IGF2BP3: variants seen among roughly 807,000 people sequenced by gnomAD.
IGF2BP3 encodes insulin-like growth factor 2 mRNA-binding protein 3.
In IGF2BP3, 9 loss-of-function variants were observed where a neutral mutation model predicts 73.8. The observed-to-expected ratio is 0.12, with a 90% confidence interval of 0.07 to 0.21. IGF2BP3 has a LOEUF of 0.21. IGF2BP3 is among the 10% of genes least tolerant of loss of function. The pLI, the probability that IGF2BP3 is intolerant of heterozygous loss-of-function variation, is 1.00. For synonymous variants in IGF2BP3, 258 were observed against 256.7 expected, an observed-to-expected ratio of 1.01 and a Z score of -0.05; for missense variants, 542 against 714.0, an observed-to-expected ratio of 0.76 and a Z score of 2.75.
chr7:23,408,633 T>C (rs546895788), intron 3 of IGF2BP3, among the ~76,000 whole-genome samples: 1 of 152,318 alleles, frequency 6.6e-6, no homozygotes, highest in East Asian at 1.9e-4. Flanking sequence ...TGCTATAACA[T>C]CTTTTTCACT....
At chr7:23,444,981 C>T (rs1788026423) in intron 2 of IGF2BP3, among the ~76,000 whole-genome samples, 1 of 152,108 alleles carries the variant, frequency 6.6e-6, no homozygotes, top group Non-Finnish European at 1.5e-5. Context: ...TTACTTCCAT[C>T]CAGAATTTAG....
At chr7:23,406,554 T>C (rs1194697059) in intron 3 of IGF2BP3, among the ~76,000 whole-genome samples, 2 of 152,144 alleles carry the variant, frequency 1.3e-5, no homozygotes, top group Non-Finnish European at 2.9e-5. Context: ...CCGCAGACCT[T>C]TGCAGTGAGT....
chr7:23,436,666 C>T (rs1423368950), intron 2 of IGF2BP3, among the ~76,000 whole-genome samples: 2 of 152,094 alleles, frequency 1.3e-5, no homozygotes, highest in East Asian at 1.9e-4. Context: ...AAATACTTTC[C>T]ATGCACATAA....
intron 3 of IGF2BP3, among the ~76,000 whole-genome samples, chr7:23,368,846 G>A (rs1785463733): frequency 6.6e-6 from 1 of 151,334 alleles, no homozygotes; most frequent in South Asian, 2.1e-4. Flanking sequence ...GTGGTGAGCT[G>A]AGATGGCGCC....
chr7:23,365,017 T>C (rs942894698), intron 3 of IGF2BP3, among the ~76,000 whole-genome samples: 1 of 151,992 alleles, frequency 6.6e-6, no homozygotes, highest in Admixed American at 6.6e-5. Context: ...CATACAAACA[T>C]TAGCCTGCAG....
intron 3 of IGF2BP3, among the ~76,000 whole-genome samples, chr7:23,362,927 A>C (rs1399378355): frequency 6.6e-6 from 1 of 151,770 alleles, no homozygotes; most frequent in African/African-American, 2.4e-5. Flanking sequence ...CTAATTTTTA[A>C]AATTTTTTGT....
chr7:23,365,015 C>CATT (rs1785334075), intron 3 of IGF2BP3, among the ~76,000 whole-genome samples: 1 of 152,000 alleles, frequency 6.6e-6, no homozygotes, highest in Non-Finnish European at 1.5e-5. Context: ...AACATACAAA[C>CATT]ATTAGCCTGC....
At chr7:23,319,003 T>G (rs767927273) in intron 11 of IGF2BP3, 135 bp downstream of exon 11, 5 of 629,446 alleles carry the variant, frequency 7.9e-6, no homozygotes, top group Non-Finnish European at 1.4e-5. Context: ...CCACTGTTGT[T>G]TGGGGGTTTC....
chr7:23,329,746 G>T (rs752249449), intron 10 of IGF2BP3, among the ~76,000 whole-genome samples: 19 of 152,214 alleles, frequency 1.2e-4, no homozygotes, highest in Non-Finnish European at 2.4e-4. Flanking sequence ...GGCAAGATCA[G>T]TTTGGGTCTC....
Position 23,470,074 on chromosome 7 carries a change from C to T in IGF2BP3, c.37G>A (p.Ala13Thr). 6.2e-7 allele frequency: 1 copy of T among 1,609,218 alleles called. No individual in the cohort carries two copies. The highest frequency in any genetic ancestry group is 8.5e-7 in the Non-Finnish European group (1 of 1,178,554). Residue 13 changes from alanine (A) to threonine (T), a missense_variant, in exon 1 of 15, where the codon GCC (alanine) becomes ACC (threonine). This residue lies in a region of IGF2BP3 where 239 missense variants were observed against 241.9 expected (regional missense o/e 0.99). Coordinates refer to ENST00000258729, the MANE Select transcript of IGF2BP3 (RefSeq NM_006547.3). ...KLYIGNLSEN[A>T]APSDLESIFK... is the part of the protein sequence containing the mutation. ...ATACTTTCTAGGTCCGAGGGGGCGG[C>T]GTTCTCGCTGAGGTTTCCGATATAC...
intron 10 of IGF2BP3, among the ~76,000 whole-genome samples, chr7:23,319,738 G>C (rs919378045): frequency 6.6e-6 from 1 of 152,156 alleles, no homozygotes. Context: ...GTGTTTAAGA[G>C]AAAAGCTGAA....
At chr7:23,468,365 G>C in intron 2 of IGF2BP3, 117 bp downstream of exon 2, 1 of 1,023,040 alleles carries the variant, frequency 9.8e-7, no homozygotes. Flanking sequence ...TTAAAGACCG[G>C]AACACCACGC....
At chr7:23,346,168 A>T in intron 7 of IGF2BP3, 106 bp from the exon 8 acceptor site, 1 of 1,301,238 alleles carries the variant, frequency 7.7e-7, no homozygotes, top group Non-Finnish European at 1.1e-6. Flanking sequence ...CCATCTGGGA[A>T]GCACTGTGTT....
intron 3 of IGF2BP3, among the ~76,000 whole-genome samples, chr7:23,415,752 C>T (rs1787172225): frequency 6.6e-6 from 1 of 152,238 alleles, no homozygotes; most frequent in Admixed American, 6.5e-5. Flanking sequence ...CTCTAGGATC[C>T]AAAACCTCAA....
At chr7:23,384,065 C>T (rs1786002165) in intron 3 of IGF2BP3, among the ~76,000 whole-genome samples, 1 of 136,014 alleles carries the variant, frequency 7.4e-6, no homozygotes, top group African/African-American at 2.8e-5. Context: ...CACTGCACTC[C>T]AGCCTGGGCG....
At chr7:23,389,993 C>A (rs1320724536) in intron 3 of IGF2BP3, among the ~76,000 whole-genome samples, 1 of 152,072 alleles carries the variant, frequency 6.6e-6, no homozygotes, top group Non-Finnish European at 1.5e-5. Context: ...CACACACACA[C>A]ACCCCTTTGA....
rs1487583532 is a variant in IGF2BP3 at position 23,317,625 on chromosome 7, T to C, written c.1395+14A>G. ...TGTTACCTGTGGACATAGCACATAC[T>C]CTAGAGCACATACCTTGAACTGAGC... On this transcript the variant is annotated intron_variant, in intron 12 of 14. Transcript: ENST00000258729. 1.2e-6 allele frequency: 2 copies of C among 1,609,610 alleles called. No homozygotes were observed. Among genetic ancestry groups the C allele is most frequent in the Non-Finnish European group, 1.7e-6 (2 of 1,175,884 alleles).
chr7:23,468,631 G>A (rs563758348), intron 1 of IGF2BP3, 89 bp from the exon 2 acceptor site: 23 of 1,309,932 alleles, frequency 1.8e-5, no homozygotes, highest in Middle Eastern at 1.9e-4. Flanking sequence ...CGACACAAAT[G>A]GCCTCCTGAG....
Position 23,312,211 on chromosome 7 carries a change from G to A in IGF2BP3, c.*151C>T. ...TAAAGTATACATTCTCACAGAGACA[G>A]GAGTTCAAAAGTTGCCTGGTCCTCA... On this transcript the variant is annotated 3_prime_UTR_variant, in exon 15 of 15. Coordinates refer to ENST00000258729, the MANE Select transcript of IGF2BP3 (RefSeq NM_006547.3). 1 of 625,356 alleles carries A rather than the reference G, an allele frequency of 1.6e-6. No individual in the cohort carries two copies. Among genetic ancestry groups the A allele is most frequent in the Non-Finnish European group, 2.9e-6 (1 of 344,052 alleles). 38.7% of individuals were successfully genotyped at this position (625,356 alleles called of 1,614,324 possible).
Sources: allele counts gnomAD v4.1 joint callset (sites outside exome capture counted in the v4.1 genomes callset), GRCh38; gene constraint gnomAD v4.1.1; regional missense constraint gnomAD v4.1.1; transcripts MANE v1.5; gene names NCBI Gene and HGNC (gene_info 2026-07-23, HGNC 2026-07-21).